CNTN5: variants seen among roughly 807,000 people sequenced by gnomAD.
CNTN5 encodes the protein contactin 5.
A neutral mutation model predicts 129.1 loss-of-function variants in CNTN5; 77 were observed. That is an observed-to-expected ratio of 0.60 (90% CI 0.50 to 0.72). The LOEUF is 0.72. Among genes scored for constraint, CNTN5 ranks in the 30% least tolerant of loss-of-function variants. The pLI, the probability that CNTN5 is intolerant of heterozygous loss-of-function variation, is 0.00. For synonymous variants in CNTN5, 509 were observed against 465.6 expected (o/e 1.09, Z -1.20); for missense variants, 1,478 against 1,328.8 (o/e 1.11, Z -1.75).
intron 16 of CNTN5, among the ~76,000 whole-genome samples, chr11:100,231,284 G>A (rs1206349206): frequency 6.6e-6 from 1 of 152,130 alleles, no homozygotes; most frequent in Non-Finnish European, 1.5e-5. Flanking sequence ...TGTGACTAGT[G>A]GCTTGCTAAT....
intron 13 of CNTN5, among the ~76,000 whole-genome samples, chr11:100,185,731 A>T (rs1409956000): frequency 6.6e-6 from 1 of 152,152 alleles, no homozygotes; most frequent in Non-Finnish European, 1.5e-5. Context: ...AGAACTGGTG[A>T]TGTTTTAGAA....
intron 1 of CNTN5, among the ~76,000 whole-genome samples, chr11:99,091,038 A>AAAAAAAAAAAAC (rs1866228720): frequency 6.6e-6 from 1 of 150,940 alleles, no homozygotes; most frequent in Admixed American, 6.6e-5. Flanking sequence ...AAAAAAAAAA[A>AAAAAAAAAAAAC]AAAAAAGCCT....
At chr11:100,223,642 A>G (rs1949313989) in intron 15 of CNTN5, among the ~76,000 whole-genome samples, 1 of 152,146 alleles carries the variant, frequency 6.6e-6, no homozygotes, top group Non-Finnish European at 1.5e-5. Flanking sequence ...GACTTTCATT[A>G]CATATTATTT....
intron 3 of CNTN5, among the ~76,000 whole-genome samples, chr11:99,676,307 G>T (rs1953280390): frequency 6.6e-6 from 1 of 152,076 alleles, no homozygotes; most frequent in Non-Finnish European, 1.5e-5. Context: ...CAATACCATA[G>T]ACTACAACAT....
At chr11:100,133,623 A>C (rs952697828) in intron 13 of CNTN5, among the ~76,000 whole-genome samples, 3 of 152,086 alleles carry the variant, frequency 2.0e-5, no homozygotes, top group African/African-American at 7.2e-5. Context: ...AACCATGTAA[A>C]GTTATAAATG....
intron 13 of CNTN5, among the ~76,000 whole-genome samples, chr11:100,129,580 G>C (rs1348346418): frequency 6.6e-6 from 1 of 152,066 alleles, no homozygotes; most frequent in Non-Finnish European, 1.5e-5. Context: ...ATGGCTCTCT[G>C]TGCATGAATA....
chr11:99,156,190 T>C (rs1337849108), intron 1 of CNTN5, among the ~76,000 whole-genome samples: 1 of 151,986 alleles, frequency 6.6e-6, no homozygotes, highest in Non-Finnish European at 1.5e-5. Flanking sequence ...AATAAAAAGA[T>C]TGTATAAAAT....
intron 13 of CNTN5, among the ~76,000 whole-genome samples, chr11:100,162,461 CAG>C (rs1354158278): frequency 4.0e-5 from 6 of 151,754 alleles, no homozygotes; most frequent in Admixed American, 1.3e-4. Flanking sequence ...TGTTTACAAA[CAG>C]AAACTAGCTG....
chr11:99,981,077 G>GATATATATATATAGATAT (rs1938303707), intron 8 of CNTN5, among the ~76,000 whole-genome samples: 1 of 57,594 alleles, frequency 1.7e-5, no homozygotes, highest in South Asian at 8.1e-4. Context: ...GAGCCAATAG[G>GATATATATATATAGATAT]ATATATATAT....
At position 100,176,547 on chromosome 11, in the gene CNTN5, C is replaced by CA. The variant is rs1207303013; in HGVS notation, c.1581-14574dup. The stretch of plus-strand genomic sequence containing the variant: ...ATGCTATGATGAAGCCCTGAGGAAG[C>CA]AAAAATGAAGGCAGGAAAAATTCTA... On this transcript the variant is annotated intron_variant, in intron 13 of 24. Coordinates refer to ENST00000524871, the MANE Select transcript of CNTN5 (RefSeq NM_014361.4). Among the ~76,000 whole-genome samples the CA allele has an allele frequency of 4.0e-4, 60 of 151,810 alleles. 2 individuals carry two copies. Among genetic ancestry groups the CA allele is most frequent in the Admixed American group, 3.9e-3 (60 of 15,216 alleles).
chr11:99,792,573 G>GTGTGTGTGTGTGTCTGTCTGTC (rs34622017), intron 3 of CNTN5, among the ~76,000 whole-genome samples: 2 of 116,684 alleles, frequency 1.7e-5, no homozygotes, highest in African/African-American at 7.3e-5. Context: ...GTGTGTGTGT[G>GTGTGTGTGTGTGTCTGTCTGTC]TGTCTGTCTG....
chr11:99,042,655 G>A (rs1232668040), intron 1 of CNTN5, among the ~76,000 whole-genome samples: 2 of 151,992 alleles, frequency 1.3e-5, no homozygotes, highest in African/African-American at 4.8e-5. Flanking sequence ...GATTACAGGC[G>A]TGAGCCACCG....
intron 3 of CNTN5, among the ~76,000 whole-genome samples, chr11:99,751,030 G>A (rs1426848904): frequency 6.6e-6 from 1 of 152,154 alleles, no homozygotes; most frequent in Non-Finnish European, 1.5e-5. Context: ...AAGGAAGTGA[G>A]ATGTTCATCC....
chr11:99,535,858 A>T (rs1253103922), intron 2 of CNTN5, among the ~76,000 whole-genome samples: 1 of 152,154 alleles, frequency 6.6e-6, no homozygotes, highest in African/African-American at 2.4e-5. Flanking sequence ...ATGCATTTAG[A>T]ATTATTAACT....
At chr11:99,987,137 A>AC (rs1938734537) in intron 8 of CNTN5, among the ~76,000 whole-genome samples, 1 of 152,132 alleles carries the variant, frequency 6.6e-6, no homozygotes, top group Non-Finnish European at 1.5e-5. Context: ...CTCCTATGCC[A>AC]CCTGTCACCC....
intron 2 of CNTN5, among the ~76,000 whole-genome samples, chr11:99,402,848 A>G (rs1204381810): frequency 2.0e-5 from 3 of 152,004 alleles, no homozygotes; most frequent in Admixed American, 1.3e-4. Flanking sequence ...TTTTCAATTT[A>G]TTGGCATATA....
chr11:99,876,722 C>A (rs535947369), intron 6 of CNTN5, among the ~76,000 whole-genome samples: 2 of 152,038 alleles, frequency 1.3e-5, no homozygotes, highest in African/African-American at 4.8e-5. Flanking sequence ...ATGTCAATGC[C>A]CCTAAACCTT....
At chr11:99,568,337 T>A (rs997251730) in intron 3 of CNTN5, among the ~76,000 whole-genome samples, 32 of 152,216 alleles carry the variant, frequency 2.1e-4, no homozygotes, top group African/African-American at 7.5e-4. Flanking sequence ...TCACATTATA[T>A]CAAGTGTCCA....
chr11:100,105,028 G>T (rs150049117), intron 13 of CNTN5, among the ~76,000 whole-genome samples: 6 of 152,208 alleles, frequency 3.9e-5, no homozygotes, highest in African/African-American at 9.6e-5. Context: ...AAGGCAGGAC[G>T]GTATATTTTA....
Sources: allele counts gnomAD v4.1 joint callset (sites outside exome capture counted in the v4.1 genomes callset), GRCh38; gene constraint gnomAD v4.1.1; transcripts MANE v1.5; gene names NCBI Gene and HGNC (gene_info 2026-07-23, HGNC 2026-07-21).